The following CTNND2 variants were observed in gnomAD, a reference collection of about 807,000 sequenced individuals.
The protein encoded by CTNND2 is catenin delta 2, also known as catenin delta-2.
In CTNND2, 22 loss-of-function variants were observed where a neutral mutation model predicts 144.4. The observed-to-expected ratio is 0.15, with a 90% CI of 0.11 to 0.22. CTNND2 has a LOEUF of 0.22. CTNND2 is among the 10% of genes least tolerant of loss of function. The probability of loss-of-function intolerance (pLI) is 1.00; values close to 1 mark genes in which losing one functional copy is unlikely to be tolerated. For synonymous variants in CTNND2, 751 were observed against 695.6 expected (o/e 1.08, Z -1.25); for missense variants, 1,353 against 1,618.8 (o/e 0.84, Z 2.82).
intron 14 of CTNND2, among the ~76,000 whole-genome samples, chr5:11,101,342 C>T (rs975023175): frequency 6.6e-6 from 1 of 152,146 alleles, no homozygotes; most frequent in Non-Finnish European, 1.5e-5. Context: ...ATTATTTTGT[C>T]TAGCTCATCA....
intron 3 of CTNND2, among the ~76,000 whole-genome samples, chr5:11,449,742 C>T (rs1270459152): frequency 6.6e-6 from 1 of 152,158 alleles, no homozygotes; most frequent in African/African-American, 2.4e-5. Context: ...TAATTTATTG[C>T]TCAGTTACCT....
At chr5:11,082,916 G>A (rs1157219194) in intron 15 of CTNND2, 70 bp from the exon 16 acceptor site, 46 of 1,538,516 alleles carry the variant, frequency 3.0e-5, no homozygotes, top group Admixed American at 5.7e-5. Context: ...GTACATTTGC[G>A]TTTTCAGGCG....
chr5:11,805,847 T>C (rs1791964229), intron 1 of CTNND2, among the ~76,000 whole-genome samples: 1 of 151,998 alleles, frequency 6.6e-6, no homozygotes, highest in African/African-American at 2.4e-5. Context: ...TTCCAATTAG[T>C]AGAGTATAGA....
chr5:11,412,956 G>A (rs1403055522), intron 3 of CTNND2, among the ~76,000 whole-genome samples: 2 of 152,162 alleles, frequency 1.3e-5, no homozygotes, highest in Non-Finnish European at 2.9e-5. Flanking sequence ...CCTTTAGTCT[G>A]TACCTTAGAG....
At chr5:11,056,873 A>C (rs1431948892) in intron 16 of CTNND2, among the ~76,000 whole-genome samples, 1 of 152,184 alleles carries the variant, frequency 6.6e-6, no homozygotes. Flanking sequence ...AGATAGAGAG[A>C]AGCTCAGGCC....
intron 2 of CTNND2, among the ~76,000 whole-genome samples, chr5:11,593,721 C>T (rs1221153630): frequency 2.0e-5 from 3 of 152,210 alleles, no homozygotes; most frequent in Admixed American, 6.5e-5. Context: ...TGTGAGGCCT[C>T]CCCACCCATG....
chr5:11,735,716 C>G (rs1350695318), intron 1 of CTNND2, among the ~76,000 whole-genome samples: 1 of 152,148 alleles, frequency 6.6e-6, no homozygotes, highest in Non-Finnish European at 1.5e-5. Flanking sequence ...TTCCCCTGCA[C>G]GTGCTCTCTT....
chr5:11,543,796 G>A (rs1774971122), intron 3 of CTNND2, among the ~76,000 whole-genome samples: 1 of 152,166 alleles, frequency 6.6e-6, no homozygotes, highest in African/African-American at 2.4e-5. Flanking sequence ...CATTACTAAT[G>A]ATGCTCTACC....
chr5:11,202,110 G>T (rs1465174743), intron 10 of CTNND2, among the ~76,000 whole-genome samples: 1 of 152,068 alleles, frequency 6.6e-6, no homozygotes, highest in East Asian at 1.9e-4. Flanking sequence ...ATCCATTCTT[G>T]CAGTGAATCT....
At chr5:11,612,743 A>G (rs1277403912) in intron 2 of CTNND2, among the ~76,000 whole-genome samples, 1 of 152,078 alleles carries the variant, frequency 6.6e-6, no homozygotes, top group Non-Finnish European at 1.5e-5. Context: ...TCTACAAAAA[A>G]TAAAAAATTA....
At chr5:11,277,744 C>T (rs1746694592) in intron 9 of CTNND2, among the ~76,000 whole-genome samples, 1 of 152,032 alleles carries the variant, frequency 6.6e-6, no homozygotes, top group Non-Finnish European at 1.5e-5. Context: ...GTTGGCCAGG[C>T]TGGTCTCAAA....
At chr5:11,349,380 A>G (rs556018198) in intron 8 of CTNND2, among the ~76,000 whole-genome samples, 1 of 152,242 alleles carries the variant, frequency 6.6e-6, no homozygotes, top group South Asian at 2.1e-4. Flanking sequence ...CAACAGTCCT[A>G]TAAGAGAGTA....
chr5:11,391,266 G>C (rs1759610258), intron 6 of CTNND2, among the ~76,000 whole-genome samples: 1 of 151,894 alleles, frequency 6.6e-6, no homozygotes, highest in African/African-American at 2.4e-5. Context: ...AGTTATATCA[G>C]CTCTGTGCTG....
At chr5:10,986,669 G>T (rs530976458) in intron 20 of CTNND2, 1 of 456,194 alleles carries the variant, frequency 2.2e-6, no homozygotes, top group South Asian at 1.5e-5. Flanking sequence ...AGGTTCTCCC[G>T]TTCAGGAAAC....
intron 16 of CTNND2, among the ~76,000 whole-genome samples, chr5:11,073,324 A>T (rs1051261443): frequency 1.3e-5 from 2 of 152,188 alleles, no homozygotes; most frequent in African/African-American, 4.8e-5. Flanking sequence ...TTCATTTCTC[A>T]TGCATCCTCT....
chr5:11,768,243 CAG>C (rs1460014711), intron 1 of CTNND2, among the ~76,000 whole-genome samples: 1 of 151,908 alleles, frequency 6.6e-6, no homozygotes, highest in African/African-American at 2.4e-5. Flanking sequence ...ACCTAGCACT[CAG>C]AGAGTCTCTC....
chr5:10,992,464 G>A, intron 19 of CTNND2, 87 bp downstream of exon 19: 1 of 1,576,120 alleles, frequency 6.3e-7, no homozygotes, highest in Non-Finnish European at 8.7e-7. Flanking sequence ...GCTCTCCTCT[G>A]AGTACGGGTT....
chr5:11,672,508 T>A lies in CTNND2; in HGVS notation c.174+59628A>T, dbSNP rs1358805168. Among the ~76,000 whole-genome samples the A allele has an allele frequency of 4.6e-5, 7 of 152,146 alleles. No homozygotes were observed. In the East Asian group the frequency reaches 9.7e-4, roughly 21 times the overall value. ...GCAAGGAGAAATCTAGACATGTGGT[T>A]CACCTTGCTGAGCTATGGAGGGCTC... On this transcript the variant is annotated intron_variant, in intron 2 of 21. Coordinates refer to ENST00000304623, the MANE Select transcript of CTNND2 (RefSeq NM_001332.4).
chr5:11,361,269 C>T (rs529866046), intron 8 of CTNND2, among the ~76,000 whole-genome samples: 1 of 152,304 alleles, frequency 6.6e-6, no homozygotes, highest in African/African-American at 2.4e-5. Context: ...GATCTACCCA[C>T]CTCGGCCTCC....
Sources: allele counts gnomAD v4.1 joint callset (sites outside exome capture counted in the v4.1 genomes callset), GRCh38; gene constraint gnomAD v4.1.1; transcripts MANE v1.5; gene names NCBI Gene and HGNC (gene_info 2026-07-23, HGNC 2026-07-21).